The following SAMD12 variants were observed in gnomAD, a reference collection of about 807,000 sequenced individuals.
SAMD12 encodes the protein sterile alpha motif domain-containing protein 12.
Under a neutral mutation model 15.0 loss-of-function variants are expected in SAMD12, and 9 were observed. The ratio of observed to expected loss-of-function variants is 0.60; its 90% CI spans 0.36 to 1.05. The LOEUF is 1.05. Among genes scored for constraint, SAMD12 ranks in the 50% least tolerant of loss-of-function variants. The pLI, the probability that SAMD12 is intolerant of heterozygous loss-of-function variation, is 0.01. For missense variants in SAMD12, 230 were observed against 234.2 expected, an observed-to-expected ratio of 0.98 and a Z score of 0.12; for synonymous variants, 86 against 90.1, an observed-to-expected ratio of 0.96 and a Z score of 0.25.
chr8:118,288,376 C>T (rs892428248), intron 4 of SAMD12: 2 of 152,092 alleles, frequency 1.3e-5, no homozygotes, highest in African/African-American at 4.8e-5. Context: ...CTGTTATGAT[C>T]TTTGAAAAGT....
chr8:118,537,916 C>A (rs1364425072), intron 2 of SAMD12, among the ~76,000 whole-genome samples: 3 of 152,146 alleles, frequency 2.0e-5, no homozygotes, highest in Non-Finnish European at 4.4e-5. Flanking sequence ...ACAGTCTGGG[C>A]TTGTTTGTAC....
At chr8:118,550,624 C>T (rs1031706979) in intron 2 of SAMD12, among the ~76,000 whole-genome samples, 259 of 152,142 alleles carry the variant, frequency 1.7e-3, no homozygotes, top group African/African-American at 6.0e-3. Context: ...CATCAACTAA[C>T]GAGCAAAATA....
At chr8:118,310,656 C>G (rs1163628835) in intron 4 of SAMD12, among the ~76,000 whole-genome samples, 1 of 152,216 alleles carries the variant, frequency 6.6e-6, no homozygotes, top group Non-Finnish European at 1.5e-5. Flanking sequence ...TGCCTACCTT[C>G]TCTTGTTGAG....
intron 2 of SAMD12, among the ~76,000 whole-genome samples, chr8:118,509,807 T>C (rs1825025418): frequency 6.6e-6 from 1 of 152,226 alleles, no homozygotes; most frequent in South Asian, 2.1e-4. Flanking sequence ...ACACTGACTA[T>C]TGTCTTAGAT....
chr8:118,372,913 G>T (rs185747741), intron 4 of SAMD12, among the ~76,000 whole-genome samples: 1 of 152,244 alleles, frequency 6.6e-6, no homozygotes, highest in Admixed American at 6.5e-5. Context: ...AAAGAAGTCA[G>T]ACACTATGAC....
chr8:118,180,898 C>T, the SAMD12 span, among the ~76,000 whole-genome samples: 2 of 152,178 alleles, frequency 1.3e-5, no homozygotes, highest in Admixed American at 1.3e-4. Context: ...GGCCTGGAAT[C>T]CAGGTTTTCC....
At chr8:118,244,816 G>T (rs1812649896) in intron 4 of SAMD12, among the ~76,000 whole-genome samples, 1 of 152,052 alleles carries the variant, frequency 6.6e-6, no homozygotes, top group African/African-American at 2.4e-5. Context: ...AGGAGAAGGA[G>T]AATTTATAGA....
At chr8:118,213,811 G>A (rs569376884) in intron 4 of SAMD12, among the ~76,000 whole-genome samples, 76 of 152,148 alleles carry the variant, frequency 5.0e-4, no homozygotes, top group Non-Finnish European at 9.7e-4. Flanking sequence ...TAAGGGCTAA[G>A]CAAGGCTTAT....
intron 1 of SAMD12, among the ~76,000 whole-genome samples, chr8:118,597,877 C>A (rs140647700): frequency 3.0e-4 from 46 of 152,290 alleles, no homozygotes; most frequent in African/African-American, 1.1e-3. Flanking sequence ...CTATCTCCCC[C>A]AACAAAAATT....
chr8:118,145,593 T>C, the SAMD12 span, among the ~76,000 whole-genome samples: 1 of 152,158 alleles, frequency 6.6e-6, no homozygotes, highest in Non-Finnish European at 1.5e-5. Context: ...CAGATGTAGG[T>C]GACAAAGTAA....
chr8:118,548,880 G>C (rs768490909), intron 2 of SAMD12, among the ~76,000 whole-genome samples: 54 of 152,210 alleles, frequency 3.5e-4, no homozygotes, highest in Non-Finnish European at 6.6e-4. Context: ...ATTATATCCC[G>C]CACCTGGCTT....
chr8:118,551,565 G>A (rs1400153269), intron 2 of SAMD12, among the ~76,000 whole-genome samples: 2 of 152,090 alleles, frequency 1.3e-5, no homozygotes, highest in Non-Finnish European at 2.9e-5. Flanking sequence ...ATGCCAACAA[G>A]AGAAAGCAAG....
chr8:118,281,122 C>T (rs556034953), intron 4 of SAMD12, among the ~76,000 whole-genome samples: 5 of 151,958 alleles, frequency 3.3e-5, no homozygotes, highest in South Asian at 2.1e-4. Context: ...ATATGGAAAC[C>T]GAGACACATT....
At chr8:118,170,234 C>T in the SAMD12 span, among the ~76,000 whole-genome samples, 2 of 152,094 alleles carry the variant, frequency 1.3e-5, no homozygotes, top group African/African-American at 2.4e-5. Context: ...GATTAAATGC[C>T]ATCCATACTT....
intron 3 of SAMD12, among the ~76,000 whole-genome samples, chr8:118,417,674 A>G (rs1173333579): frequency 6.6e-6 from 1 of 152,216 alleles, no homozygotes; most frequent in Non-Finnish European, 1.5e-5. Flanking sequence ...AAAAAAGAAA[A>G]TCCCCTAAAA....
chr8:118,239,167 G>A (rs989733327), intron 4 of SAMD12, among the ~76,000 whole-genome samples: 1 of 152,052 alleles, frequency 6.6e-6, no homozygotes, highest in Non-Finnish European at 1.5e-5. Context: ...GTATGGTGAT[G>A]ATTATAATGC....
chr8:118,156,303 C>A, the SAMD12 span, among the ~76,000 whole-genome samples: 2 of 152,148 alleles, frequency 1.3e-5, no homozygotes, highest in African/African-American at 4.8e-5. Flanking sequence ...TATAAGATAA[C>A]ATCAGATTGT....
At position 118,607,533 on chromosome 8, in the gene SAMD12, G is replaced by A. The variant is rs147785452; in HGVS notation, c.13+14271C>T. On this transcript the variant is annotated intron_variant, in intron 1 of 3. Coordinates refer to ENST00000314727, the MANE Select transcript of SAMD12 (RefSeq NM_207506.3). ...TTACAGGCGTGAGCCACTGAGCCCCGCCAAATGTCCTAATTAGGATTTTTA... is the reference window on the plus strand; with the variant it reads ...TTACAGGCGTGAGCCACTGAGCCCCACCAAATGTCCTAATTAGGATTTTTA... 2.0e-3 allele frequency among the ~76,000 whole-genome samples: 306 copies of A among 152,260 alleles called. 1 individual carries two copies. Among genetic ancestry groups the A allele is most frequent in the African/African-American group, 7.2e-3 (298 of 41,542 alleles).
chr8:118,609,412 GT>G (rs1828054602), intron 1 of SAMD12, among the ~76,000 whole-genome samples: 1 of 152,208 alleles, frequency 6.6e-6, no homozygotes, highest in Non-Finnish European at 1.5e-5. Flanking sequence ...CCAGGAAACA[GT>G]AGCTGGGCTT....
Sources: allele counts gnomAD v4.1 joint callset (sites outside exome capture counted in the v4.1 genomes callset), GRCh38; gene constraint gnomAD v4.1.1; transcripts MANE v1.5; gene names NCBI Gene and HGNC (gene_info 2026-07-23, HGNC 2026-07-21).